Variants in RCC1 observed in about 807,000 individuals in gnomAD.
RCC1 encodes regulator of chromosome condensation.
RCC1 carries 11 observed loss-of-function variants against 44.4 expected under a neutral mutation model. The observed-to-expected ratio is 0.25, with a 90% confidence interval of 0.16 to 0.41. The LOEUF (loss-of-function observed/expected upper bound fraction) is 0.41, where lower values mean the gene tolerates loss of function less well. Ranked by LOEUF, RCC1 falls within the 10% of genes least tolerant of loss-of-function variation. RCC1 has a pLI of 1.00. For missense variants in RCC1, 386 were observed against 547.1 expected, an observed-to-expected ratio of 0.71 and a Z score of 2.94; for synonymous variants, 213 against 216.5, an observed-to-expected ratio of 0.98 and a Z score of 0.14.
chr1:28,527,941 A>G (rs1278827006), intron 4 of RCC1, among the ~76,000 whole-genome samples: 9 of 148,262 alleles, frequency 6.1e-5, no homozygotes, highest in African/African-American at 2.2e-4. Flanking sequence ...CCTGGGAGGT[A>G]GAGGTTGTGG....
intron 1 of RCC1, chr1:28,507,369 A>G (rs1662047876): frequency 3.9e-6 from 2 of 518,992 alleles, no homozygotes; most frequent in Non-Finnish European, 7.7e-6. Flanking sequence ...TGATTGTCCA[A>G]CGTGGATACA....
chr1:28,534,950 G>A, intron 7 of RCC1, 100 bp from the exon 8 acceptor site: 2 of 867,380 alleles, frequency 2.3e-6, no homozygotes, highest in Non-Finnish European at 4.0e-6. Flanking sequence ...CCTGGCTCCT[G>A]CCCACTTCTC....
At chr1:28,525,047 G>A (rs1663555367) in intron 4 of RCC1, among the ~76,000 whole-genome samples, 1 of 152,076 alleles carries the variant, frequency 6.6e-6, no homozygotes, top group Admixed American at 6.6e-5. Flanking sequence ...CCCCGAGTGA[G>A]CAGTTCCTGT....
In RCC1 at chr1:28,538,882, A is replaced by G. The variant is rs374272978; in HGVS notation, c.*875A>G. 3 of 152,250 alleles carry G rather than the reference A, an allele frequency of 2.0e-5. No homozygotes were observed. The highest frequency in any genetic ancestry group is 2.1e-4 in the South Asian group (1 of 4,828). The allele number at this position is 152,250 out of a possible 1,614,324, so 9.4% of individuals were successfully genotyped here. The stretch of plus-strand genomic sequence containing the variant: ...CTGAGATGGAAACAGCAACTTGTAC[A>G]GTGGCTGAGAAAATAGGATATAGTT... On this transcript the variant is annotated 3_prime_UTR_variant, in exon 13 of 13. Transcript: ENST00000683442.
intron 3 of RCC1, among the ~76,000 whole-genome samples, chr1:28,511,509 C>T (rs1446569930): frequency 6.6e-6 from 1 of 151,566 alleles, no homozygotes; most frequent in Non-Finnish European, 1.5e-5. Context: ...GCTGGGACTA[C>T]AGGTGCACGC....
intron 7 of RCC1, among the ~76,000 whole-genome samples, chr1:28,533,911 T>C: frequency 8.6e-6 from 1 of 116,356 alleles, no homozygotes; most frequent in Non-Finnish European, 1.7e-5. Flanking sequence ...AGAGTCTTGC[T>C]CTATCACCCA....
rs144741443 is a variant in RCC1 at position 28,528,136 on chromosome 1, A to G, written c.-9-1722A>G. ...GGAGTTTGGGACCAGCCTGGCCAACATGGTGAAACCCCGTCTCTACTAAAA... is the reference window on the plus strand; with the variant it reads ...GGAGTTTGGGACCAGCCTGGCCAACGTGGTGAAACCCCGTCTCTACTAAAA... On this transcript the variant is annotated intron_variant, in intron 4 of 12. Transcript: ENST00000683442. Among the ~76,000 whole-genome samples the G allele has an allele frequency of 7.0e-3, 1,063 of 151,636 alleles. 11 individuals are homozygous for G. Among genetic ancestry groups the G allele is most frequent in the African/African-American group, 0.025 (1,020 of 41,296 alleles).
chr1:28,527,066 C>A, intron 4 of RCC1: 1 of 864,094 alleles, frequency 1.2e-6, no homozygotes, highest in Non-Finnish European at 2.0e-6. Flanking sequence ...GGAACTGGTA[C>A]CAGAATTTTG....
At chr1:28,517,182 T>C (rs755778115) in intron 4 of RCC1, among the ~76,000 whole-genome samples, 1 of 152,068 alleles carries the variant, frequency 6.6e-6, no homozygotes, top group Non-Finnish European at 1.5e-5. Context: ...ATCTAGACTT[T>C]GGGTGCCGTA....
chr1:28,536,183 T>C lies in RCC1; in HGVS notation c.818-79T>C. The C allele has an allele frequency of 6.3e-7, 1 of 1,575,182 alleles. No homozygotes were observed. The highest frequency in any genetic ancestry group is 8.6e-7 in the Non-Finnish European group (1 of 1,159,734). ...AGAATGTCCATATCCTGATGGGAGG[T>C]GGCCTCACTGTGGGAGGAGATTGAG... On this transcript the variant is annotated intron_variant, in intron 10 of 12. Transcript: ENST00000683442. This position sits in a 1 kb window ranked among gnomAD's most constrained non-coding sequence, Gnocchi z 4.9.
In RCC1 at chr1:28,506,998, C is replaced by T. The variant is rs76131099; in HGVS notation, c.-262+914C>T. The T allele has an allele frequency of 1.6e-3, 266 of 163,052 alleles. 2 individuals are homozygous for T. In the Middle Eastern group the frequency reaches 0.019, roughly 12 times the overall value. 10.1% of individuals were successfully genotyped at this position (163,052 alleles called of 1,614,324 possible). On this transcript the variant is annotated intron_variant, in intron 1 of 12. Transcript: ENST00000683442. ...GGAAGCATTGCGTTTCGTAATTATG[C>T]TTTCTCGTATTTTTGTGATTTGGGT...
intron 4 of RCC1, among the ~76,000 whole-genome samples, chr1:28,523,194 T>G (rs1037921344): frequency 3.3e-5 from 5 of 151,524 alleles, no homozygotes; most frequent in African/African-American, 7.3e-5. Flanking sequence ...ACCACGCCTG[T>G]CTAATTTTTT....
At position 28,528,905 on chromosome 1, in the gene RCC1, GAGTGCTGA is replaced by G. The variant is rs1200465626; in HGVS notation, c.-9-952_-9-945del. ...TTTCACTACTCTTTCTCCCAGGCTG[GAGTGCTGA>G]GTGCAATGGCATGATCTTGGCTCAC... On this transcript the variant is annotated intron_variant, in intron 4 of 12. Transcript: ENST00000683442. Among the ~76,000 whole-genome samples, 84 of 145,050 alleles carry G rather than the reference GAGTGCTGA, an allele frequency of 5.8e-4. 4 individuals carry two copies. Among genetic ancestry groups the G allele is most frequent in the Non-Finnish European group, 3.0e-4 (20 of 66,946 alleles).
At chr1:28,514,761 CAAAA>C (rs139010543) in intron 3 of RCC1, among the ~76,000 whole-genome samples, 2 of 132,680 alleles carry the variant, frequency 1.5e-5, no homozygotes, top group African/African-American at 5.6e-5. Flanking sequence ...AACTCCATCT[CAAAA>C]AAAAAAAACA....
intron 3 of RCC1, 35 bp from the exon 4 acceptor site, chr1:28,516,690 T>C: frequency 3.2e-6 from 1 of 315,864 alleles, no homozygotes. Flanking sequence ...AAATAGGCAA[T>C]AATAATAATA....
intron 4 of RCC1, among the ~76,000 whole-genome samples, chr1:28,525,863 G>A (rs1343450758): frequency 6.6e-6 from 1 of 152,200 alleles, no homozygotes; most frequent in Non-Finnish European, 1.5e-5. Context: ...ACCACTAGAA[G>A]GAAGGAATGA....
chr1:28,511,007 C>T (rs1486959827), intron 3 of RCC1: 1 of 152,190 alleles, frequency 6.6e-6, no homozygotes, highest in African/African-American at 2.4e-5. Context: ...TGAAGCAAAG[C>T]TGTCAGTAGG....
chr1:28,518,093 G>GCCGGCCCAGGGCTCCC (rs1553212429), intron 4 of RCC1: 1 of 143,830 alleles, frequency 7.0e-6, no homozygotes, highest in African/African-American at 2.5e-5. Flanking sequence ...GGCCAGGGGA[G>GCCGGCCCAGGGCTCCC]CCAGCCTGGC....
At chr1:28,510,899 G>GT (rs1662486406) in intron 3 of RCC1, 1 of 152,274 alleles carries the variant, frequency 6.6e-6, no homozygotes, top group African/African-American at 2.4e-5. Context: ...TGAACCAGTG[G>GT]TTTTAGTATG....
Sources: gnomAD v4.1 joint callset for allele counts (sites outside exome capture counted in the v4.1 genomes callset) on GRCh38, gnomAD v4.1.1 for gene constraint, Gnocchi (gnomAD v3.1) non-coding constraint, MANE v1.5 for transcripts, NCBI Gene and HGNC (gene_info 2026-07-23, HGNC 2026-07-21) for gene names.